The following MAGI2 variants were observed in gnomAD, a reference collection of about 807,000 sequenced individuals.
MAGI2 encodes membrane-associated guanylate kinase, WW and PDZ domain-containing protein 2.
MAGI2 carries 35 observed loss-of-function variants against 133.3 expected under a neutral mutation model. The ratio of observed to expected loss-of-function variants is 0.26; its 90% CI spans 0.20 to 0.35. The LOEUF (loss-of-function observed/expected upper bound fraction) is 0.35, where lower values mean the gene tolerates loss of function less well. MAGI2 is among the 10% of genes least tolerant of loss of function. The pLI is 1.00. For synonymous variants in MAGI2, 729 were observed against 710.6 expected, an observed-to-expected ratio of 1.03 and a Z score of -0.41; for missense variants, 1,636 against 1,863.4, an observed-to-expected ratio of 0.88 and a Z score of 2.25.
chr7:78,252,208 A>G (rs1792468266), intron 10 of MAGI2: 1 of 151,738 alleles, frequency 6.6e-6, no homozygotes, highest in African/African-American at 2.4e-5. Flanking sequence ...GACCTAGAAT[A>G]GCCACATTAT....
At chr7:79,016,449 T>A (rs1808741303) in intron 1 of MAGI2, among the ~76,000 whole-genome samples, 4 of 152,110 alleles carry the variant, frequency 2.6e-5, no homozygotes, top group Admixed American at 2.6e-4. Context: ...CAGACTGTAC[T>A]TGACCAGTAA....
chr7:79,371,604 C>G (rs1843055632), intron 1 of MAGI2, among the ~76,000 whole-genome samples: 1 of 152,032 alleles, frequency 6.6e-6, no homozygotes, highest in South Asian at 2.1e-4. Flanking sequence ...AAACAGTAGG[C>G]TATGTCATAT....
At chr7:78,501,066 C>T (rs777370929) in intron 5 of MAGI2, among the ~76,000 whole-genome samples, 2 of 152,120 alleles carry the variant, frequency 1.3e-5, no homozygotes, top group African/African-American at 2.4e-5. Flanking sequence ...CTAGCCTGGG[C>T]GACAGAGTGA....
intron 2 of MAGI2, among the ~76,000 whole-genome samples, chr7:78,936,259 C>A (rs1307273537): frequency 6.6e-6 from 1 of 151,764 alleles, no homozygotes; most frequent in Non-Finnish European, 1.5e-5. Flanking sequence ...AATAATTATT[C>A]ATCAAATGAT....
intron 1 of MAGI2, among the ~76,000 whole-genome samples, chr7:79,346,285 C>T (rs1289808746): frequency 6.6e-6 from 1 of 151,994 alleles, no homozygotes; most frequent in Non-Finnish European, 1.5e-5. Flanking sequence ...ACTATCCTTG[C>T]AAATACTCAT....
intron 1 of MAGI2, among the ~76,000 whole-genome samples, chr7:79,238,660 C>G (rs1416361634): frequency 6.6e-6 from 1 of 152,120 alleles, no homozygotes; most frequent in African/African-American, 2.4e-5. Context: ...TTAAGAGTAG[C>G]TAGTCACTAT....
intron 1 of MAGI2, among the ~76,000 whole-genome samples, chr7:79,011,831 G>T (rs538056282): frequency 9.7e-4 from 147 of 151,884 alleles, no homozygotes; most frequent in African/African-American, 1.9e-3. Flanking sequence ...ATTCAACTTT[G>T]CTCTTTATCT....
intron 1 of MAGI2, among the ~76,000 whole-genome samples, chr7:79,064,766 C>T (rs1247980470): frequency 2.6e-5 from 4 of 152,064 alleles, no homozygotes; most frequent in Non-Finnish European, 5.9e-5. Flanking sequence ...CTTGAAACTG[C>T]ACTTCTGACT....
intron 21 of MAGI2, among the ~76,000 whole-genome samples, chr7:78,059,363 A>G (rs967847735): frequency 1.3e-5 from 2 of 152,226 alleles, no homozygotes; most frequent in African/African-American, 4.8e-5. Flanking sequence ...CAGTGTCAAT[A>G]TGATGCTTGA....
chr7:79,095,061 G>A (rs1817403238), intron 1 of MAGI2, among the ~76,000 whole-genome samples: 1 of 152,132 alleles, frequency 6.6e-6, no homozygotes, highest in Non-Finnish European at 1.5e-5. Flanking sequence ...AGTCCTAGAC[G>A]GCATCCTGTT....
chr7:78,344,672 A>G (rs952210769), intron 8 of MAGI2, among the ~76,000 whole-genome samples: 2 of 152,234 alleles, frequency 1.3e-5, no homozygotes, highest in African/African-American at 4.8e-5. Flanking sequence ...AATGTGAGCA[A>G]AAGGCAAGCC....
At chr7:78,687,772 C>G (rs1020562299) in intron 2 of MAGI2, among the ~76,000 whole-genome samples, 1 of 151,698 alleles carries the variant, frequency 6.6e-6, no homozygotes, top group Non-Finnish European at 1.5e-5. Flanking sequence ...AGTTCAAGAC[C>G]AGCCTGGTCA....
At chr7:78,178,775 G>T (rs534690976) in intron 13 of MAGI2, among the ~76,000 whole-genome samples, 1 of 152,202 alleles carries the variant, frequency 6.6e-6, no homozygotes, top group East Asian at 1.9e-4. Flanking sequence ...TGGGTCTAAG[G>T]TGGACTTTTA....
chr7:78,468,594 T>A (rs1790880736), intron 6 of MAGI2, among the ~76,000 whole-genome samples: 1 of 152,152 alleles, frequency 6.6e-6, no homozygotes, highest in Non-Finnish European at 1.5e-5. Flanking sequence ...ACAATTAGAA[T>A]ATTATTTTTT....
chr7:78,996,162 A>G (rs1469553450), intron 2 of MAGI2, among the ~76,000 whole-genome samples: 2 of 152,208 alleles, frequency 1.3e-5, no homozygotes, highest in African/African-American at 4.8e-5. Context: ...AATTCAGGAT[A>G]TAAAGTCTCA....
intron 2 of MAGI2, among the ~76,000 whole-genome samples, chr7:78,669,579 G>C (rs1448515687): frequency 6.6e-6 from 1 of 152,084 alleles, no homozygotes; most frequent in Non-Finnish European, 1.5e-5. Context: ...TATGAGGCCA[G>C]CATCATCCTG....
chr7:78,851,121 G>T (rs185933683), intron 2 of MAGI2, among the ~76,000 whole-genome samples: 1 of 151,596 alleles, frequency 6.6e-6, no homozygotes, highest in African/African-American at 2.4e-5. Flanking sequence ...TTATTTTTTC[G>T]TAGAGAAGAT....
intron 9 of MAGI2, 76 bp downstream of exon 9, chr7:78,343,702 C>G (rs1035210397): frequency 8.5e-7 from 1 of 1,173,432 alleles, no homozygotes. Context: ...AATAAAAACA[C>G]AAAAGAAGCT....
At chr7:78,131,862 T>A (rs1239261885) in intron 18 of MAGI2, among the ~76,000 whole-genome samples, 1 of 152,144 alleles carries the variant, frequency 6.6e-6, no homozygotes, top group Non-Finnish European at 1.5e-5. Context: ...GTTGTTATAA[T>A]CAGTAAAAAT....
Sources: allele counts gnomAD v4.1 joint callset (sites outside exome capture counted in the v4.1 genomes callset), GRCh38; gene constraint gnomAD v4.1.1; transcripts MANE v1.5; gene names NCBI Gene and HGNC (gene_info 2026-07-23, HGNC 2026-07-21).